NXPH2: variants seen among roughly 807,000 people sequenced by gnomAD.
NXPH2 encodes neurexophilin 2.
NXPH2 carries 5 observed loss-of-function variants against 19.8 expected under a neutral mutation model. The ratio of observed to expected loss-of-function variants is 0.25; its 90% confidence interval spans 0.13 to 0.53. NXPH2 has a LOEUF of 0.53. Among genes scored for constraint, NXPH2 ranks in the 20% least tolerant of loss-of-function variants. The pLI is 0.96. For synonymous variants in NXPH2, 154 were observed against 127.4 expected, an observed-to-expected ratio of 1.21 and a Z score of -1.41; for missense variants, 289 against 322.8, an observed-to-expected ratio of 0.90 and a Z score of 0.80.
chr2:138,717,210 G>A (rs1038254198), intron 1 of NXPH2, among the ~76,000 whole-genome samples: 1 of 152,098 alleles, frequency 6.6e-6, no homozygotes, highest in Non-Finnish European at 1.5e-5. Flanking sequence ...ACAAGGTGAA[G>A]AAGAATGTAC....
intron 1 of NXPH2, among the ~76,000 whole-genome samples, chr2:138,737,213 G>T (rs1681563426): frequency 6.6e-6 from 1 of 152,112 alleles, no homozygotes; most frequent in Non-Finnish European, 1.5e-5. Context: ...TCATGCTGCT[G>T]ATAAAGACAT....
chr2:138,761,775 G>A (rs934058791), intron 1 of NXPH2, among the ~76,000 whole-genome samples: 5 of 152,192 alleles, frequency 3.3e-5, no homozygotes, highest in African/African-American at 1.2e-4. Flanking sequence ...GATTCTGGTT[G>A]AAGTACATAT....
intron 1 of NXPH2, among the ~76,000 whole-genome samples, chr2:138,737,690 T>C (rs1262641017): frequency 6.6e-6 from 1 of 152,220 alleles, no homozygotes; most frequent in Non-Finnish European, 1.5e-5. Flanking sequence ...CTTTGGATTA[T>C]CCAGAGTTGG....
At chr2:138,745,442 A>G (rs1681709648) in intron 1 of NXPH2, among the ~76,000 whole-genome samples, 1 of 133,054 alleles carries the variant, frequency 7.5e-6, no homozygotes, top group Non-Finnish European at 1.5e-5. Flanking sequence ...TGGCCACTTA[A>G]GTTTCCACTT....
chr2:138,761,721 G>T (rs1395110392), intron 1 of NXPH2, among the ~76,000 whole-genome samples: 1 of 152,184 alleles, frequency 6.6e-6, no homozygotes, highest in Admixed American at 6.5e-5. Flanking sequence ...TGGGAAAGTG[G>T]TTTTTCTGGC....
chr2:138,726,634 T>A (rs1681364293), intron 1 of NXPH2, among the ~76,000 whole-genome samples: 1 of 151,978 alleles, frequency 6.6e-6, no homozygotes, highest in African/African-American at 2.4e-5. Flanking sequence ...TAAATAGGCT[T>A]TATTTTATAG....
intron 1 of NXPH2, among the ~76,000 whole-genome samples, chr2:138,714,986 G>T (rs1681171834): frequency 6.6e-6 from 1 of 152,120 alleles, no homozygotes; most frequent in Non-Finnish European, 1.5e-5. Flanking sequence ...GAACATCAAT[G>T]GGAAAGTGGA....
chr2:138,684,764 C>T (rs1005366051), intron 1 of NXPH2, among the ~76,000 whole-genome samples: 5 of 152,186 alleles, frequency 3.3e-5, no homozygotes, highest in Non-Finnish European at 7.3e-5. Flanking sequence ...GGGTGGCTGC[C>T]CTGCCCTCTT....
intron 1 of NXPH2, among the ~76,000 whole-genome samples, chr2:138,744,901 G>A (rs1681702033): frequency 6.6e-6 from 1 of 152,194 alleles, no homozygotes; most frequent in African/African-American, 2.4e-5. Context: ...TGTGGAAAAT[G>A]ATGTGAGGAA....
intron 1 of NXPH2, among the ~76,000 whole-genome samples, chr2:138,726,305 A>G (rs1681358051): frequency 6.6e-6 from 1 of 152,114 alleles, no homozygotes; most frequent in African/African-American, 2.4e-5. Context: ...TCAGCCTCCC[A>G]AAGTGCTGGG....
At chr2:138,762,583 C>T (rs1682033647) in intron 1 of NXPH2, among the ~76,000 whole-genome samples, 1 of 152,148 alleles carries the variant, frequency 6.6e-6, no homozygotes, top group Non-Finnish European at 1.5e-5. Context: ...AAATGTGGTA[C>T]AAAAGATGAG....
At chr2:138,778,943 G>C (rs997671910) in intron 1 of NXPH2, among the ~76,000 whole-genome samples, 3 of 152,130 alleles carry the variant, frequency 2.0e-5, no homozygotes, top group African/African-American at 4.8e-5. Context: ...AATCTCCACC[G>C]TAACAAGCAT....
At chr2:138,682,935 T>C (rs781721158) in intron 1 of NXPH2, among the ~76,000 whole-genome samples, 1 of 152,176 alleles carries the variant, frequency 6.6e-6, no homozygotes. Context: ...GCACATACCA[T>C]AGTTCTCTGT....
At chr2:138,722,778 A>C (rs1045695588) in intron 1 of NXPH2, among the ~76,000 whole-genome samples, 1 of 152,220 alleles carries the variant, frequency 6.6e-6, no homozygotes, top group Admixed American at 6.5e-5. Context: ...TTTGCTCAAG[A>C]GATTTTGGCT....
In NXPH2 at chr2:138,671,469, C is replaced by G. The variant is rs1680412914; in HGVS notation, c.248G>C (p.Trp83Ser). The change falls in exon 2 of 2, where the codon TGG (tryptophan) becomes TCG (serine). Residue 83 changes from tryptophan to serine, a missense_variant. Transcript: ENST00000272641. ...CTGAATCTCCGTGATGTTGGCCAGC[C>G]AATCCCAAAAGTTTTCCATGCTGTC... Reference protein sequence around the residue: ...YADSMENFWDWLANITEIQEP... With the variant: ...YADSMENFWDSLANITEIQEP... The G allele has an allele frequency of 6.2e-7, 1 of 1,613,862 alleles. No individual in the cohort carries two copies.
At chr2:138,687,863 A>T (rs1680684743) in intron 1 of NXPH2, among the ~76,000 whole-genome samples, 1 of 151,922 alleles carries the variant, frequency 6.6e-6, no homozygotes, top group African/African-American at 2.4e-5. Flanking sequence ...GTGTGGTATT[A>T]TTTCTGAGGG....
chr2:138,691,545 A>G (rs183539918), intron 1 of NXPH2, among the ~76,000 whole-genome samples: 1 of 152,048 alleles, frequency 6.6e-6, no homozygotes, highest in Non-Finnish European at 1.5e-5. Flanking sequence ...CTCTTTCCTA[A>G]TCTCCCTTTG....
intron 1 of NXPH2, among the ~76,000 whole-genome samples, chr2:138,708,353 A>G (rs549289824): frequency 2.0e-5 from 3 of 152,344 alleles, no homozygotes; most frequent in South Asian, 4.1e-4. Flanking sequence ...ATCTGAACAT[A>G]CAATTGAGCT....
intron 1 of NXPH2, among the ~76,000 whole-genome samples, chr2:138,706,747 T>C (rs528318980): frequency 3.9e-4 from 60 of 151,964 alleles, no homozygotes; most frequent in African/African-American, 1.4e-3. Context: ...CTTCATTTTT[T>C]TTTTAAGTAG....
Sources: gnomAD v4.1 joint callset for allele counts (sites outside exome capture counted in the v4.1 genomes callset) on GRCh38, gnomAD v4.1.1 for gene constraint, MANE v1.5 for transcripts, NCBI Gene and HGNC (gene_info 2026-07-23, HGNC 2026-07-21) for gene names.